The following POLD3 variants were observed in gnomAD, a reference collection of about 807,000 sequenced individuals.
POLD3 encodes DNA polymerase delta 3, accessory subunit, also known as DNA polymerase delta subunit 3.
A neutral mutation model predicts 58.2 loss-of-function variants in POLD3; 19 were observed. The ratio of observed to expected loss-of-function variants is 0.33; its 90% confidence interval spans 0.23 to 0.48. POLD3 has a LOEUF of 0.48. Ranked by LOEUF, POLD3 falls within the 20% of genes least tolerant of loss-of-function variation. The probability of loss-of-function intolerance (pLI) is 0.99; values close to 1 mark genes in which losing one functional copy is unlikely to be tolerated. For synonymous variants in POLD3, 172 were observed against 193.5 expected (o/e 0.89, Z 0.92); for missense variants, 504 against 545.5 (o/e 0.92, Z 0.76).
At chr11:74,665,394 T>TTTA (rs2033256024) in intron 4 of POLD3, among the ~76,000 whole-genome samples, 1 of 95,170 alleles carries the variant, frequency 1.1e-5, no homozygotes, top group Non-Finnish European at 1.8e-5. Context: ...TTTTATAATT[T>TTTA]TTTTTTTTTT....
downstream of POLD3, among the ~76,000 whole-genome samples, chr11:74,645,756 A>T (rs1349096897): frequency 1.3e-5 from 2 of 152,192 alleles, no homozygotes; most frequent in African/African-American, 4.8e-5. Context: ...TGAGATAGGT[A>T]CTTTTATTCC....
intron 7 of POLD3, among the ~76,000 whole-genome samples, chr11:74,624,113 C>T (rs1175802352): frequency 6.6e-6 from 1 of 151,988 alleles, no homozygotes; most frequent in South Asian, 2.1e-4. Flanking sequence ...GCTATTAAAA[C>T]AATATAATTT....
intron 2 of POLD3, among the ~76,000 whole-genome samples, chr11:74,594,459 C>A (rs1046464389): frequency 3.9e-5 from 6 of 152,136 alleles, no homozygotes; most frequent in Non-Finnish European, 8.8e-5. Flanking sequence ...GGGGTTAGGG[C>A]TTTAACATTA....
At chr11:74,606,142 C>A (rs1391391343) in intron 3 of POLD3, among the ~76,000 whole-genome samples, 2 of 152,228 alleles carry the variant, frequency 1.3e-5, no homozygotes, top group Non-Finnish European at 2.9e-5. Flanking sequence ...TATCCTTATA[C>A]TCTCTAGCCA....
downstream of POLD3, among the ~76,000 whole-genome samples, chr11:74,647,516 CTT>C (rs1246078534): frequency 1.3e-5 from 2 of 152,164 alleles, no homozygotes; most frequent in East Asian, 1.9e-4. Flanking sequence ...GGTCTTGAGA[CTT>C]TGTGTCTTCA....
chr11:74,632,311 G>T (rs372229828), intron 9 of POLD3, among the ~76,000 whole-genome samples: 3 of 152,144 alleles, frequency 2.0e-5, no homozygotes, highest in Admixed American at 6.5e-5. Flanking sequence ...CCCAACAAAG[G>T]TTGCTTTCCT....
chr11:74,625,871 T>TTTTGTGTGTGTGTGTGTGTG (rs142784051), intron 8 of POLD3, among the ~76,000 whole-genome samples: 23 of 143,574 alleles, frequency 1.6e-4, no homozygotes, highest in African/African-American at 5.4e-4. Flanking sequence ...GTGTGCCTAG[T>TTTTGTGTGTGTGTGTGTGTG]TGTGTGTGTG....
At chr11:74,621,877 A>G (rs1024374375) in intron 7 of POLD3, among the ~76,000 whole-genome samples, 1 of 144,014 alleles carries the variant, frequency 6.9e-6, no homozygotes, top group Non-Finnish European at 1.5e-5. Flanking sequence ...TTATTTTATT[A>G]TTATTATTAT....
At chr11:74,599,295 G>T (rs2031394334) in intron 2 of POLD3, among the ~76,000 whole-genome samples, 1 of 151,914 alleles carries the variant, frequency 6.6e-6, no homozygotes, top group Admixed American at 6.6e-5. Context: ...GCCTCCCAAA[G>T]TGCTGAGATT....
chr11:74,639,427 C>A (rs1344906499), intron 11 of POLD3, among the ~76,000 whole-genome samples: 1 of 152,028 alleles, frequency 6.6e-6, no homozygotes, highest in Non-Finnish European at 1.5e-5. Context: ...GAAAAAAAAA[C>A]CTTTTACTTT....
chr11:74,661,622 G>T (rs778307739), intron 4 of POLD3, among the ~76,000 whole-genome samples: 6 of 152,214 alleles, frequency 3.9e-5, no homozygotes, highest in Non-Finnish European at 7.3e-5. Context: ...CTAGGACTGG[G>T]CTGGGTTAGG....
intron 11 of POLD3, among the ~76,000 whole-genome samples, chr11:74,636,610 A>G (rs567611406): frequency 6.6e-6 from 1 of 152,354 alleles, no homozygotes; most frequent in East Asian, 1.9e-4. Flanking sequence ...ATATATCCAA[A>G]AACAAGATGG....
intron 5 of POLD3, among the ~76,000 whole-genome samples, chr11:74,615,757 T>C (rs944362147): frequency 1.3e-5 from 2 of 152,248 alleles, no homozygotes; most frequent in African/African-American, 2.4e-5. Context: ...GAGAAAGATA[T>C]AGAATTGCCA....
chr11:74,647,326 G>A (rs1389676903), downstream of POLD3, among the ~76,000 whole-genome samples: 2 of 152,238 alleles, frequency 1.3e-5, no homozygotes, highest in East Asian at 3.8e-4. Flanking sequence ...CCTGATAGGA[G>A]TGTTTTCCCT....
chr11:74,653,564 T>A (rs532914405), intron 4 of POLD3, among the ~76,000 whole-genome samples: 7 of 152,080 alleles, frequency 4.6e-5, no homozygotes, highest in Non-Finnish European at 8.8e-5. Context: ...CAAAGTATAG[T>A]TAATAAGCCA....
intron 4 of POLD3, among the ~76,000 whole-genome samples, chr11:74,662,092 C>G (rs2033213021): frequency 6.6e-6 from 1 of 151,900 alleles, no homozygotes; most frequent in African/African-American, 2.4e-5. Context: ...GTGGGCTCCT[C>G]TCTGGCCCAG....
chr11:74,645,913 C>A (rs1167441048), downstream of POLD3, among the ~76,000 whole-genome samples: 1 of 151,884 alleles, frequency 6.6e-6, no homozygotes, highest in Non-Finnish European at 1.5e-5. Flanking sequence ...TTAGTTCATA[C>A]TTCCATACCG....
intron 5 of POLD3, among the ~76,000 whole-genome samples, chr11:74,615,202 G>A (rs978990763): frequency 6.6e-6 from 1 of 152,176 alleles, no homozygotes; most frequent in African/African-American, 2.4e-5. Flanking sequence ...CAGCCAGATA[G>A]GGTTGTAGAG....
chr11:74,600,339 C>A, intron 2 of POLD3, among the ~76,000 whole-genome samples: 1 of 152,122 alleles, frequency 6.6e-6, no homozygotes, highest in East Asian at 1.9e-4. Flanking sequence ...AATCCTAGCA[C>A]TTTGGGAGGC....
Sources: gnomAD v4.1 joint callset for allele counts (sites outside exome capture counted in the v4.1 genomes callset) on GRCh38, gnomAD v4.1.1 for gene constraint, MANE v1.5 for transcripts, NCBI Gene and HGNC (gene_info 2026-07-23, HGNC 2026-07-21) for gene names.